The following LRRC40 variants were observed in gnomAD, a reference collection of about 807,000 sequenced individuals.
The protein encoded by LRRC40 is leucine-rich repeat-containing protein 40.
A neutral mutation model predicts 72.8 loss-of-function variants in LRRC40; 76 were observed. The observed-to-expected ratio is 1.04, with a 90% CI of 0.87 to 1.26. LRRC40 has a LOEUF of 1.26. Among genes scored for constraint, LRRC40 ranks in the 50% most tolerant of loss-of-function variants. The probability of loss-of-function intolerance (pLI) is 0.00; values close to 1 mark genes in which losing one functional copy is unlikely to be tolerated. For missense variants in LRRC40, 684 were observed against 698.9 expected, an observed-to-expected ratio of 0.98 and a Z score of 0.24; for synonymous variants, 243 against 254.2, an observed-to-expected ratio of 0.96 and a Z score of 0.42.
chr1:70,147,039 T>G (rs1470296896), intron 14 of LRRC40: 1 of 152,216 alleles, frequency 6.6e-6, no homozygotes, highest in East Asian at 1.9e-4. Flanking sequence ...AAAAAGTTGA[T>G]TACAGTTGAT....
At chr1:70,176,872 CACTG>C (rs1453529053) in intron 6 of LRRC40, among the ~76,000 whole-genome samples, 27 of 152,130 alleles carry the variant, frequency 1.8e-4, no homozygotes, top group African/African-American at 5.8e-4. Context: ...ACTAGTTTAT[CACTG>C]ACTACCACAA....
At chr1:70,157,793 A>G (rs1667672255) in intron 10 of LRRC40, among the ~76,000 whole-genome samples, 1 of 152,128 alleles carries the variant, frequency 6.6e-6, no homozygotes, top group Non-Finnish European at 1.5e-5. Flanking sequence ...AAATGGGTAT[A>G]TTATTTGGAA....
At chr1:70,200,813 A>G (rs77902159) in intron 1 of LRRC40, among the ~76,000 whole-genome samples, 1 of 152,164 alleles carries the variant, frequency 6.6e-6, no homozygotes, top group Admixed American at 6.5e-5. Context: ...GAGAGAGAGA[A>G]AAAAAGAGAG....
chr1:70,205,558 C>T lies in LRRC40; in HGVS notation c.-18G>A, dbSNP rs778607282. 6.4e-7 allele frequency: 1 copy of T among 1,573,986 alleles called. No homozygotes were observed. Among genetic ancestry groups the T allele is most frequent in the Admixed American group, 1.7e-5 (1 of 59,162 alleles). ...CGCGACATGTTCAAAGTCCTAGGTC[C>T]AGAAGCTGCAGCCCCACCCGTGACG... On this transcript the variant is annotated 5_prime_UTR_variant, in exon 1 of 15. Transcript: ENST00000370952.
At chr1:70,160,753 G>C (rs183871440) in intron 9 of LRRC40, among the ~76,000 whole-genome samples, 10 of 152,148 alleles carry the variant, frequency 6.6e-5, no homozygotes, top group African/African-American at 2.4e-4. Context: ...CTGGGGAGAA[G>C]ACTGTTGCGA....
At chr1:70,205,302 G>C (rs544442294) in intron 1 of LRRC40, 88 bp downstream of exon 1, 1 of 1,309,656 alleles carries the variant, frequency 7.6e-7, no homozygotes, top group Non-Finnish European at 1.0e-6. Context: ...GAGAAAGGGG[G>C]CCAAAGCCAG....
At chr1:70,186,313 TTCCTC>T (rs1668358103) in intron 3 of LRRC40, among the ~76,000 whole-genome samples, 1 of 152,186 alleles carries the variant, frequency 6.6e-6, no homozygotes, top group Non-Finnish European at 1.5e-5. Context: ...GCTTCCTCTC[TTCCTC>T]TCAACAATCC....
intron 1 of LRRC40, among the ~76,000 whole-genome samples, chr1:70,191,310 T>C (rs1668495355): frequency 6.6e-6 from 1 of 152,172 alleles, no homozygotes; most frequent in Non-Finnish European, 1.5e-5. Flanking sequence ...CTAACATCTA[T>C]ACATAGGTAT....
intron 3 of LRRC40, among the ~76,000 whole-genome samples, chr1:70,185,827 A>G (rs1442332288): frequency 6.6e-6 from 1 of 152,214 alleles, no homozygotes; most frequent in Non-Finnish European, 1.5e-5. Flanking sequence ...TAGAAGTCCC[A>G]AATCATGGAG....
At chr1:70,170,016 A>C (rs1667967241) in intron 9 of LRRC40, among the ~76,000 whole-genome samples, 1 of 152,186 alleles carries the variant, frequency 6.6e-6, no homozygotes, top group Non-Finnish European at 1.5e-5. Flanking sequence ...TCAACAAAAC[A>C]CTAAAAAACA....
At chr1:70,170,175 GA>G (rs1350413253) in intron 9 of LRRC40, among the ~76,000 whole-genome samples, 2 of 151,798 alleles carry the variant, frequency 1.3e-5, no homozygotes, top group African/African-American at 4.8e-5. Flanking sequence ...AACAGATGCA[GA>G]AAAAAAATTG....
In LRRC40 at chr1:70,163,838, T is replaced by A. The variant is rs544003433; in HGVS notation, c.1112-4400A>T. Among the ~76,000 whole-genome samples, 276 of 152,112 alleles carry A rather than the reference T, an allele frequency of 1.8e-3. 2 individuals are homozygous for A. The highest frequency in any genetic ancestry group is 1.9e-3 in the Non-Finnish European group (132 of 68,028). On this transcript the variant is annotated intron_variant, in intron 9 of 14. Transcript: ENST00000370952. ...AATGTTTGCAATCAAATAAAGTAATTAAGCTTAATGCCACGATGGCATAAT... is the reference window on the plus strand; with the variant it reads ...AATGTTTGCAATCAAATAAAGTAATAAAGCTTAATGCCACGATGGCATAAT...
chr1:70,174,565 C>T (rs899100285), intron 7 of LRRC40, among the ~76,000 whole-genome samples: 4 of 151,990 alleles, frequency 2.6e-5, no homozygotes, highest in South Asian at 4.1e-4. Flanking sequence ...ACATGAACTG[C>T]GGTATATCTA....
intron 13 of LRRC40, among the ~76,000 whole-genome samples, chr1:70,148,875 A>T (rs1667388905): frequency 6.6e-6 from 1 of 152,218 alleles, no homozygotes; most frequent in Non-Finnish European, 1.5e-5. Flanking sequence ...TGTTAAACAG[A>T]CAGACTTGTA....
chr1:70,162,187 G>C (rs1667779219), intron 9 of LRRC40, among the ~76,000 whole-genome samples: 1 of 152,084 alleles, frequency 6.6e-6, no homozygotes, highest in African/African-American at 2.4e-5. Flanking sequence ...TGAGGCAACA[G>C]GCTGGGGGTT....
At chr1:70,184,650 G>T in intron 4 of LRRC40, 135 bp downstream of exon 4, 1 of 823,354 alleles carries the variant, frequency 1.2e-6, no homozygotes, top group Non-Finnish European at 1.8e-6. Context: ...TTATTGAAAT[G>T]CACATTTCTG....
At chr1:70,195,888 G>C (rs945137019) in intron 1 of LRRC40, among the ~76,000 whole-genome samples, 1 of 152,120 alleles carries the variant, frequency 6.6e-6, no homozygotes, top group East Asian at 1.9e-4. Flanking sequence ...CACCTGCCTC[G>C]GCCTCCCAAA....
intron 10 of LRRC40, among the ~76,000 whole-genome samples, chr1:70,157,544 T>G (rs920171380): frequency 2.2e-4 from 33 of 152,034 alleles, no homozygotes; most frequent in African/African-American, 8.0e-4. Flanking sequence ...TTATAGATTG[T>G]CTGCATGATT....
intron 1 of LRRC40, 29 bp downstream of exon 1, chr1:70,205,361 C>G (rs370284885): frequency 1.0e-5 from 16 of 1,525,038 alleles, no homozygotes; most frequent in Middle Eastern, 1.8e-4. Flanking sequence ...TGACAGGAGA[C>G]ACAATAGGGT....
Sources: gnomAD v4.1 joint callset for allele counts (sites outside exome capture counted in the v4.1 genomes callset) on GRCh38, gnomAD v4.1.1 for gene constraint, MANE v1.5 for transcripts, NCBI Gene and HGNC (gene_info 2026-07-23, HGNC 2026-07-21) for gene names.